CDKAL1: variants seen among roughly 807,000 people sequenced by gnomAD.
The protein encoded by CDKAL1 is CDKAL1 threonylcarbamoyladenosine tRNA methylthiotransferase.
CDKAL1 carries 32 observed loss-of-function variants against 68.2 expected under a neutral mutation model. The ratio of observed to expected loss-of-function variants is 0.47; its 90% CI spans 0.35 to 0.63. The LOEUF (loss-of-function observed/expected upper bound fraction) is 0.63. Ranked by LOEUF, CDKAL1 falls within the 30% of genes least tolerant of loss-of-function variation. The pLI is 0.00. For missense variants in CDKAL1, 606 were observed against 696.7 expected, an observed-to-expected ratio of 0.87 and a Z score of 1.47; for synonymous variants, 234 against 244.3, an observed-to-expected ratio of 0.96 and a Z score of 0.39.
intron 12 of CDKAL1, among the ~76,000 whole-genome samples, chr6:21,070,750 T>C (rs1771727211): frequency 1.3e-5 from 2 of 152,242 alleles, no homozygotes; most frequent in Admixed American, 6.5e-5. Flanking sequence ...CTTTGTGCAC[T>C]TTGTTCTGTG....
At position 20,621,205 on chromosome 6, in the gene CDKAL1, C is replaced by T. The variant is rs574244577; in HGVS notation, c.287-28088C>T. Among the ~76,000 whole-genome samples, 5 of 152,134 alleles carry T rather than the reference C, an allele frequency of 3.3e-5. No individual in the cohort carries two copies. In the East Asian group the frequency reaches 9.6e-4, roughly 29 times the overall value. On this transcript the variant is annotated intron_variant, in intron 4 of 15. Transcript: ENST00000274695. Reference sequence around the variant, plus strand: ...CATACCTTGACATTTTTAAGGAATCCAGGTGTCCAGGTTATTATGTATTCT... The same window carrying T: ...CATACCTTGACATTTTTAAGGAATCTAGGTGTCCAGGTTATTATGTATTCT...
At chr6:20,630,288 C>A (rs1365005185) in intron 4 of CDKAL1, among the ~76,000 whole-genome samples, 1 of 152,128 alleles carries the variant, frequency 6.6e-6, no homozygotes, top group Non-Finnish European at 1.5e-5. Flanking sequence ...AGGCCTTCCT[C>A]ATCCTGTGTG....
At chr6:20,865,069 A>G (rs1197583860) in intron 9 of CDKAL1, among the ~76,000 whole-genome samples, 2 of 152,026 alleles carry the variant, frequency 1.3e-5, no homozygotes, top group Non-Finnish European at 2.9e-5. Context: ...CTAGCTTTTC[A>G]TTTCATCTTT....
At chr6:20,992,031 C>CTTTTTTTTTTTTTTTT (rs71530401) in intron 10 of CDKAL1, among the ~76,000 whole-genome samples, 217 of 100,442 alleles carry the variant, frequency 2.2e-3, no homozygotes, top group Middle Eastern at 6.6e-3. Flanking sequence ...TTTTTCTTTT[C>CTTTTTTTTTTTTTTTT]TTTTTTTTTT....
At chr6:20,865,352 C>G (rs1314451160) in intron 9 of CDKAL1, among the ~76,000 whole-genome samples, 1 of 152,056 alleles carries the variant, frequency 6.6e-6, no homozygotes, top group Non-Finnish European at 1.5e-5. Flanking sequence ...GAGAGAAGCC[C>G]TTAGTGGAAT....
intron 5 of CDKAL1, among the ~76,000 whole-genome samples, chr6:20,721,042 A>G (rs1279297124): frequency 6.6e-6 from 1 of 152,090 alleles, no homozygotes; most frequent in Non-Finnish European, 1.5e-5. Flanking sequence ...TACGTGTGCC[A>G]TGTTGGTATG....
chr6:21,122,256 C>T (rs938067783), intron 13 of CDKAL1, among the ~76,000 whole-genome samples: 2 of 152,166 alleles, frequency 1.3e-5, no homozygotes, highest in African/African-American at 4.8e-5. Flanking sequence ...GTACAAATCA[C>T]GTGGTCTTGG....
At chr6:20,829,906 A>G (rs1389250642) in intron 8 of CDKAL1, among the ~76,000 whole-genome samples, 1 of 152,204 alleles carries the variant, frequency 6.6e-6, no homozygotes. Flanking sequence ...ACGGAGTCTC[A>G]CTTGCAGTGG....
chr6:21,220,287 G>C (rs1396091544), intron 15 of CDKAL1, among the ~76,000 whole-genome samples: 1 of 152,132 alleles, frequency 6.6e-6, no homozygotes, highest in African/African-American at 2.4e-5. Flanking sequence ...AGACTTAAAT[G>C]ACAAGTTCTA....
chr6:20,890,050 G>A (rs185339044), intron 9 of CDKAL1, among the ~76,000 whole-genome samples: 62 of 152,070 alleles, frequency 4.1e-4, no homozygotes, highest in African/African-American at 1.2e-3. Context: ...TACCGTGCCC[G>A]GGCTACATTT....
chr6:20,682,696 A>G (rs1770437033), intron 5 of CDKAL1, among the ~76,000 whole-genome samples: 1 of 152,224 alleles, frequency 6.6e-6, no homozygotes, highest in Non-Finnish European at 1.5e-5. Context: ...GAGTCAAATC[A>G]TATCACAACC....
intron 4 of CDKAL1, among the ~76,000 whole-genome samples, chr6:20,629,009 G>A (rs1457789381): frequency 6.6e-6 from 1 of 152,092 alleles, no homozygotes; most frequent in Non-Finnish European, 1.5e-5. Flanking sequence ...ATAACACTTA[G>A]GCATTACCAC....
At chr6:20,725,601 A>T (rs556462528) in intron 5 of CDKAL1, among the ~76,000 whole-genome samples, 1 of 151,962 alleles carries the variant, frequency 6.6e-6, no homozygotes, top group Admixed American at 6.6e-5. Context: ...CCTGACCAAC[A>T]TGGAGAAACC....
chr6:20,841,306 A>G (rs1298230980), intron 8 of CDKAL1, among the ~76,000 whole-genome samples: 2 of 152,248 alleles, frequency 1.3e-5, no homozygotes, highest in East Asian at 1.9e-4. Context: ...AGAGAAAACC[A>G]GAAGACTGTG....
At chr6:20,739,303 T>C (rs1207690212) in intron 5 of CDKAL1, among the ~76,000 whole-genome samples, 21 of 152,218 alleles carry the variant, frequency 1.4e-4, no homozygotes, top group Admixed American at 1.4e-3. Context: ...TGAATGGCAT[T>C]ATCAGATTGG....
intron 5 of CDKAL1, among the ~76,000 whole-genome samples, chr6:20,732,263 C>CTTTTTTTTTTTTTTTTTT (rs56911987): frequency 7.8e-4 from 65 of 83,492 alleles, no homozygotes; most frequent in African/African-American, 1.1e-3. Context: ...TTCTTTCTTT[C>CTTTTTTTTTTTTTTTTTT]TTTTTTTTTT....
At chr6:21,143,480 T>TCA (rs1776022023) in intron 13 of CDKAL1, among the ~76,000 whole-genome samples, 1 of 152,244 alleles carries the variant, frequency 6.6e-6, no homozygotes, top group South Asian at 2.1e-4. Flanking sequence ...ACTAGCAGCC[T>TCA]TAGACAAAAG....
At position 20,552,551 on chromosome 6, in the gene CDKAL1, C is replaced by T. The variant is rs562349270; in HGVS notation, c.286+3846C>T. On this transcript the variant is annotated intron_variant, in intron 4 of 15. Transcript: ENST00000274695. ...AGAATATTAGGTTTTGTTTTACACA[C>T]CTAATTTTGTTTCTTATTTGGGAAT... is the stretch of plus-strand genomic sequence containing the variant. Among the ~76,000 whole-genome samples the T allele has an allele frequency of 5.3e-5, 8 of 151,396 alleles. No individual in the cohort carries two copies. The South Asian group carries it at 1.5e-3, about 28-fold the overall frequency.
At chr6:20,941,065 C>T (rs1042059225) in intron 9 of CDKAL1, among the ~76,000 whole-genome samples, 41 of 149,300 alleles carry the variant, frequency 2.7e-4, no homozygotes, top group African/African-American at 9.4e-4. Context: ...CTAGCCTGGG[C>T]GACAGACGGA....
Sources: allele counts gnomAD v4.1 joint callset (sites outside exome capture counted in the v4.1 genomes callset), GRCh38; gene constraint gnomAD v4.1.1; transcripts MANE v1.5; gene names NCBI Gene and HGNC (gene_info 2026-07-23, HGNC 2026-07-21).